The following FAM120A variants were observed in gnomAD, a reference collection of about 807,000 sequenced individuals.
FAM120A encodes the protein family with sequence similarity 120 member A, also known as constitutive coactivator of PPAR-gamma-like protein 1.
FAM120A carries 15 observed loss-of-function variants against 109.7 expected under a neutral mutation model. The ratio of observed to expected loss-of-function variants is 0.14; its 90% CI spans 0.09 to 0.21. The LOEUF (loss-of-function observed/expected upper bound fraction) is 0.21, where lower values mean the gene tolerates loss of function less well. Among genes scored for constraint, FAM120A ranks in the 10% least tolerant of loss-of-function variants. The probability of loss-of-function intolerance (pLI) is 1.00; values close to 1 mark genes in which losing one functional copy is unlikely to be tolerated. For synonymous variants in FAM120A, 493 were observed against 572.8 expected (o/e 0.86, Z 1.99); for missense variants, 899 against 1,439.3 (o/e 0.62, Z 6.07).
At chr9:93,564,073 C>T (rs766802081) in intron 17 of FAM120A, among the ~76,000 whole-genome samples, 156 bp from the exon 18 acceptor site, 7 of 145,782 alleles carry the variant, frequency 4.8e-5, no homozygotes, top group East Asian at 1.9e-4. Context: ...GAGCATCTAC[C>T]GCCCAAAAGT....
Position 93,545,051 on chromosome 9 carries a change from G to T in FAM120A, c.2159+1580G>T, listed in dbSNP as rs145850527. Among the ~76,000 whole-genome samples the T allele has an allele frequency of 9.8e-4, 149 of 152,228 alleles. 2 individuals are homozygous for T. The highest frequency in any genetic ancestry group is 6.8e-3 in the Middle Eastern group (2 of 294). On this transcript the variant is annotated intron_variant, in intron 11 of 17. Coordinates refer to ENST00000277165, the MANE Select transcript of FAM120A (RefSeq NM_014612.5). ...CATCATCTGTTTTGATGTTCCCTTT[G>T]TCACCTTGCAAACTGGCCTTCGTCA...
At chr9:93,524,755 T>C (rs1343412402) in intron 7 of FAM120A, among the ~76,000 whole-genome samples, 2 of 152,220 alleles carry the variant, frequency 1.3e-5, no homozygotes, top group African/African-American at 4.8e-5. Flanking sequence ...GCCTGGATTT[T>C]ATCATTTTAT....
At chr9:93,521,142 G>C (rs908912804) in intron 7 of FAM120A, among the ~76,000 whole-genome samples, 1 of 152,112 alleles carries the variant, frequency 6.6e-6, no homozygotes, top group African/African-American at 2.4e-5. Flanking sequence ...GTGCCTGCCC[G>C]ATGTATTTTT....
In FAM120A at chr9:93,564,837, T is replaced by C. The variant is rs1862585414; in HGVS notation, c.*297T>C. The C allele has an allele frequency of 7.7e-6, 2 of 259,314 alleles. No individual in the cohort carries two copies. Among genetic ancestry groups the C allele is most frequent in the Non-Finnish European group, 1.5e-5 (2 of 137,248 alleles). The allele number at this position is 259,314 out of a possible 1,614,324, so 16.1% of individuals were successfully genotyped here. ...TTAAACTGGTTATGACAAAAGCCTTTAGTTGTGTTTCTTGAACTATAAAGA... is the reference window on the plus strand; with the variant it reads ...TTAAACTGGTTATGACAAAAGCCTTCAGTTGTGTTTCTTGAACTATAAAGA... On this transcript the variant is annotated 3_prime_UTR_variant, in exon 18 of 18. Coordinates refer to ENST00000277165, the MANE Select transcript of FAM120A (RefSeq NM_014612.5).
intron 8 of FAM120A, 80 bp from the exon 9 acceptor site, chr9:93,529,273 G>C: frequency 7.8e-7 from 1 of 1,286,292 alleles, no homozygotes; most frequent in South Asian, 1.5e-5. Flanking sequence ...TCTGTCAGGT[G>C]AACAGGCACC....
intron 3 of FAM120A, among the ~76,000 whole-genome samples, chr9:93,484,686 G>T (rs761853678): frequency 1.3e-5 from 2 of 152,100 alleles, no homozygotes; most frequent in African/African-American, 2.4e-5. Context: ...TGATTCTCCT[G>T]CCTCAGCCTC....
rs115012083 is a variant in FAM120A, at chr9:93,453,678, C to T, written c.474+1289C>T. 1,445 of 965,830 alleles carry T rather than the reference C, an allele frequency of 1.5e-3. 22 individuals carry two copies. In the African/African-American group the frequency reaches 0.024, roughly 16 times the overall value. The allele number at this position is 965,830 out of a possible 1,614,324, so 59.8% of individuals were successfully genotyped here. On this transcript the variant is annotated intron_variant, in intron 1 of 17. Coordinates refer to ENST00000277165, the MANE Select transcript of FAM120A (RefSeq NM_014612.5). ...GCGGCCGGCAGAGTCCCGATTGGCC[C>T]CTGCGCCTGGCAGACACACAGCTGC...
chr9:93,474,423 C>T (rs1048133657), intron 2 of FAM120A, among the ~76,000 whole-genome samples: 5 of 152,012 alleles, frequency 3.3e-5, no homozygotes, highest in Non-Finnish European at 4.4e-5. Context: ...TTTTCTTTTC[C>T]CTTCTGTAAT....
At chr9:93,457,991 A>G (rs1159112514) in intron 1 of FAM120A, among the ~76,000 whole-genome samples, 2 of 152,032 alleles carry the variant, frequency 1.3e-5, no homozygotes, top group Non-Finnish European at 2.9e-5. Context: ...ATACTTCTCA[A>G]TATTACATAT....
At chr9:93,553,622 A>G (rs999498925) in intron 12 of FAM120A, among the ~76,000 whole-genome samples, 4 of 152,228 alleles carry the variant, frequency 2.6e-5, no homozygotes, top group Non-Finnish European at 5.9e-5. Flanking sequence ...ACTTTGGATG[A>G]TATTGAATAT....
At chr9:93,527,560 T>A (rs568536990) in intron 8 of FAM120A, among the ~76,000 whole-genome samples, 32 of 151,892 alleles carry the variant, frequency 2.1e-4, no homozygotes, top group African/African-American at 6.7e-4. Context: ...ATGCTAAATT[T>A]AACTCCCCCA....
intron 1 of FAM120A, chr9:93,453,612 C>G: frequency 4.1e-6 from 4 of 985,376 alleles, no homozygotes; most frequent in Non-Finnish European, 4.8e-6. Context: ...ACCCACGATC[C>G]GGTTGCAATT....
At chr9:93,554,828 T>A (rs561213990) in intron 12 of FAM120A, among the ~76,000 whole-genome samples, 64 of 152,240 alleles carry the variant, frequency 4.2e-4, no homozygotes, top group Non-Finnish European at 7.5e-4. Flanking sequence ...CTCTGTTCTC[T>A]GGTGTAGGGC....
intron 1 of FAM120A, among the ~76,000 whole-genome samples, chr9:93,469,638 T>A (rs1316820620): frequency 6.6e-6 from 1 of 152,208 alleles, no homozygotes; most frequent in Non-Finnish European, 1.5e-5. Context: ...AAATCTATTC[T>A]ATTTTAGCTG....
intron 2 of FAM120A, among the ~76,000 whole-genome samples, chr9:93,472,851 C>T (rs1321235537): frequency 6.6e-6 from 1 of 152,122 alleles, no homozygotes; most frequent in Non-Finnish European, 1.5e-5. Context: ...AAGGAGAGTA[C>T]ATTTTAAGTC....
intron 1 of FAM120A, among the ~76,000 whole-genome samples, chr9:93,454,842 T>G (rs1857481730): frequency 6.6e-6 from 1 of 152,230 alleles, no homozygotes; most frequent in African/African-American, 2.4e-5. Flanking sequence ...AAAACCATGA[T>G]ATCACTACAT....
At position 93,501,679 on chromosome 9, in the gene FAM120A, A is replaced by C. The variant is rs771644416; in HGVS notation, c.1030+2793A>C. Reference sequence around the variant, plus strand: ...TGACAGCCAGGCAGGAAGTTTGGGCAGTGTAGAATTTTAAGATGACGGGTA... The same window carrying C: ...TGACAGCCAGGCAGGAAGTTTGGGCCGTGTAGAATTTTAAGATGACGGGTA... On this transcript the variant is annotated intron_variant, in intron 5 of 17. Coordinates refer to ENST00000277165, the MANE Select transcript of FAM120A (RefSeq NM_014612.5). 6.0e-4 allele frequency among the ~76,000 whole-genome samples: 92 copies of C among 152,336 alleles called. No individual in the cohort carries two copies. The Middle Eastern group carries it at 0.01, about 17-fold the overall frequency.
intron 5 of FAM120A, among the ~76,000 whole-genome samples, chr9:93,501,559 C>A (rs1193187667): frequency 6.6e-6 from 1 of 152,132 alleles, no homozygotes; most frequent in African/African-American, 2.4e-5. Context: ...CATGAACTGC[C>A]TGTAAATCCT....
intron 7 of FAM120A, among the ~76,000 whole-genome samples, chr9:93,524,321 T>C (rs1405298739): frequency 6.6e-6 from 1 of 152,194 alleles, no homozygotes; most frequent in African/African-American, 2.4e-5. Context: ...GTCAGGAACA[T>C]GAGTGACACG....
Sources: allele counts gnomAD v4.1 joint callset (sites outside exome capture counted in the v4.1 genomes callset), GRCh38; gene constraint gnomAD v4.1.1; transcripts MANE v1.5; gene names NCBI Gene and HGNC (gene_info 2026-07-23, HGNC 2026-07-21).